THSD7B: variants seen among roughly 807,000 people sequenced by gnomAD.
The protein encoded by THSD7B is thrombospondin type 1 domain containing 7B.
In THSD7B, 138 loss-of-function variants were observed where a neutral mutation model predicts 213.6. The observed-to-expected ratio is 0.65, with a 90% CI of 0.56 to 0.74. The LOEUF (loss-of-function observed/expected upper bound fraction) is 0.74, where lower values mean the gene tolerates loss of function less well. THSD7B is among the 30% of genes least tolerant of loss of function. The pLI is 0.00. For missense variants in THSD7B, 1,931 were observed against 1,991.5 expected (o/e 0.97, Z 0.58); for synonymous variants, 742 against 687.0 (o/e 1.08, Z -1.25).
chr2:137,286,175 C>T (rs1265872146), intron 12 of THSD7B, among the ~76,000 whole-genome samples: 5 of 151,410 alleles, frequency 3.3e-5, no homozygotes, highest in Non-Finnish European at 7.4e-5. Flanking sequence ...AAAACAAAGG[C>T]AAGTAAGTTG....
At chr2:137,569,945 T>C (rs902443802) in intron 16 of THSD7B, among the ~76,000 whole-genome samples, 6 of 152,022 alleles carry the variant, frequency 3.9e-5, no homozygotes, top group African/African-American at 1.2e-4. Context: ...TTCAGTGAAA[T>C]AATAAATGAA....
At chr2:137,194,379 A>G (rs528813699) in intron 7 of THSD7B, among the ~76,000 whole-genome samples, 14 of 152,336 alleles carry the variant, frequency 9.2e-5, no homozygotes, top group African/African-American at 3.4e-4. Context: ...AGTTTCCTCC[A>G]GTTTAGAGCA....
At chr2:136,783,712 G>T (rs1391664265) in intron 1 of THSD7B, among the ~76,000 whole-genome samples, 7 of 152,198 alleles carry the variant, frequency 4.6e-5, no homozygotes, top group Non-Finnish European at 1.0e-4. Flanking sequence ...AGTTGGAAGG[G>T]GAGTGTGGGA....
At chr2:137,203,489 T>C (rs1680919369) in intron 7 of THSD7B, among the ~76,000 whole-genome samples, 1 of 152,106 alleles carries the variant, frequency 6.6e-6, no homozygotes, top group Non-Finnish European at 1.5e-5. Context: ...TACTTCTTTC[T>C]TTACATGTGA....
intron 12 of THSD7B, among the ~76,000 whole-genome samples, chr2:137,320,277 T>G (rs1367369283): frequency 6.6e-6 from 1 of 152,206 alleles, no homozygotes; most frequent in Non-Finnish European, 1.5e-5. Context: ...CTAATATATG[T>G]ATATTTACCA....
At chr2:137,521,391 C>T (rs981387028) in intron 15 of THSD7B, among the ~76,000 whole-genome samples, 3 of 152,062 alleles carry the variant, frequency 2.0e-5, no homozygotes, top group African/African-American at 4.8e-5. Context: ...AGCTTGTACA[C>T]TCATGGGTAG....
At chr2:137,490,652 G>T (rs1267318078) in intron 15 of THSD7B, among the ~76,000 whole-genome samples, 2 of 152,070 alleles carry the variant, frequency 1.3e-5, no homozygotes, top group East Asian at 1.9e-4. Context: ...TTACATTAGG[G>T]TTCACTCTTG....
chr2:137,395,222 G>A (rs1686146445), intron 12 of THSD7B, among the ~76,000 whole-genome samples: 1 of 144,324 alleles, frequency 6.9e-6, no homozygotes. Context: ...GGTGAGAGAG[G>A]GCATCCCTGT....
intron 1 of THSD7B, among the ~76,000 whole-genome samples, chr2:136,778,370 C>T (rs16836618): frequency 0.035 from 5,405 of 152,262 alleles, 305 homozygotes; most frequent in African/African-American, 0.12. Context: ...ACGTCTCCCT[C>T]CCGTGACTCA....
intron 7 of THSD7B, among the ~76,000 whole-genome samples, chr2:137,185,363 G>A (rs570514284): frequency 1.8e-4 from 28 of 152,060 alleles, no homozygotes; most frequent in Admixed American, 1.4e-3. Context: ...CAAGAAATGA[G>A]CATACTCCCC....
intron 7 of THSD7B, among the ~76,000 whole-genome samples, chr2:137,226,278 T>G (rs1009832208): frequency 1.3e-5 from 2 of 151,872 alleles, no homozygotes; most frequent in Admixed American, 1.3e-4. Context: ...GTTTGAAGTT[T>G]GTATCATAGC....
chr2:137,295,493 T>C (rs1034210232), intron 12 of THSD7B, among the ~76,000 whole-genome samples: 2 of 152,154 alleles, frequency 1.3e-5, no homozygotes, highest in East Asian at 3.8e-4. Context: ...GTTTTTGTTT[T>C]TGAGATGGAG....
chr2:137,606,924 G>A (rs1241357542), intron 17 of THSD7B, among the ~76,000 whole-genome samples: 1 of 152,054 alleles, frequency 6.6e-6, no homozygotes, highest in Non-Finnish European at 1.5e-5. Context: ...CCTTTGGGTG[G>A]CATATAGATA....
At chr2:136,942,798 A>T (rs1684851798) in intron 2 of THSD7B, among the ~76,000 whole-genome samples, 1 of 152,210 alleles carries the variant, frequency 6.6e-6, no homozygotes, top group African/African-American at 2.4e-5. Flanking sequence ...ATCTGCAAAC[A>T]GGGACAATTT....
At chr2:136,834,633 A>G (rs1312741565) in intron 1 of THSD7B, among the ~76,000 whole-genome samples, 1 of 152,114 alleles carries the variant, frequency 6.6e-6, no homozygotes, top group Non-Finnish European at 1.5e-5. Context: ...CTGTGATTGT[A>G]GATGGAAATA....
chr2:137,602,245 T>C (rs1181930617), intron 17 of THSD7B, among the ~76,000 whole-genome samples: 2 of 152,146 alleles, frequency 1.3e-5, no homozygotes, highest in East Asian at 3.8e-4. Flanking sequence ...ATTTATTTTC[T>C]TTCTCGTTTT....
intron 14 of THSD7B, among the ~76,000 whole-genome samples, chr2:137,429,762 G>A (rs1687134719): frequency 6.6e-6 from 1 of 152,144 alleles, no homozygotes; most frequent in African/African-American, 2.4e-5. Context: ...GTATATGTAG[G>A]TGATAGAAGA....
intron 2 of THSD7B, among the ~76,000 whole-genome samples, chr2:136,895,619 G>A (rs1683945650): frequency 7.1e-6 from 1 of 141,816 alleles, no homozygotes; most frequent in African/African-American, 2.6e-5. Flanking sequence ...CTTTATTGAA[G>A]CATAATTTAT....
At chr2:136,997,832 G>A (rs1313755315) in intron 2 of THSD7B, among the ~76,000 whole-genome samples, 1 of 152,092 alleles carries the variant, frequency 6.6e-6, no homozygotes, top group Non-Finnish European at 1.5e-5. Flanking sequence ...GAAGGAAGCT[G>A]AGCTCAAAGC....
Sources: gnomAD v4.1 joint callset for allele counts (sites outside exome capture counted in the v4.1 genomes callset) on GRCh38, gnomAD v4.1.1 for gene constraint, MANE v1.5 for transcripts, NCBI Gene and HGNC (gene_info 2026-07-23, HGNC 2026-07-21) for gene names.